POU2F3: variants seen among roughly 807,000 people sequenced by gnomAD.
The protein encoded by POU2F3 is POU class 2 homeobox 3.
POU2F3 carries 23 observed loss-of-function variants against 59.2 expected under a neutral mutation model. The observed-to-expected ratio is 0.39, with a 90% confidence interval of 0.28 to 0.55. The LOEUF is 0.55. POU2F3 is among the 20% of genes least tolerant of loss of function. POU2F3 has a pLI of 0.66. For synonymous variants in POU2F3, 190 were observed against 214.6 expected, an observed-to-expected ratio of 0.89 and a Z score of 1.00; for missense variants, 473 against 544.5, an observed-to-expected ratio of 0.87 and a Z score of 1.31.
At chr11:120,250,164 C>G (rs1349606358) in intron 2 of POU2F3, 3 of 152,250 alleles carry the variant, frequency 2.0e-5, no homozygotes, top group Non-Finnish European at 4.4e-5. Context: ...GCTCTGAGCT[C>G]TCTCTCTCCA....
rs138343985 is a variant in POU2F3, at chr11:120,307,587, G to A, written c.878G>A (p.Arg293His). 33 of 1,614,044 alleles carry A rather than the reference G, an allele frequency of 2.0e-5. No individual in the cohort carries two copies. Among genetic ancestry groups the A allele is most frequent in the Non-Finnish European group, 2.5e-5 (29 of 1,180,038 alleles). The change falls in exon 9 of 13, where the codon CGC becomes CAC. Residue 293 changes from arginine (R) to histidine (H), a missense_variant. Arg to His is a conservative substitution (Grantham distance 29). Transcript: ENST00000543440. ...KKRTSIETNI[R>H]LTLEKRFQDN... ...CGGACCAGCATCGAGACCAACATCC[G>A]CCTGACTCTGGAGAAGAGGTTTCAA...
In POU2F3 at chr11:120,285,084, G is replaced by A. The variant is rs543900112; in HGVS notation, c.133-13181G>A. ...AAATATTTAGTGCACGTAATGAAAC[G>A]AAGGTCAGAGTCGGTGATGTTAGTT... On this transcript the variant is annotated intron_variant, in intron 3 of 12. Transcript: ENST00000543440. The surrounding 1 kb of genome is among the most constrained non-coding windows in gnomAD (Gnocchi z 4.3). Among the ~76,000 whole-genome samples, 15 of 152,268 alleles carry A rather than the reference G, an allele frequency of 9.9e-5. No homozygotes were observed. Among genetic ancestry groups the A allele is most frequent in the Admixed American group, 8.5e-4 (13 of 15,302 alleles).
intron 3 of POU2F3, among the ~76,000 whole-genome samples, chr11:120,279,226 G>A (rs1033125956): frequency 2.6e-5 from 4 of 152,040 alleles, no homozygotes; most frequent in African/African-American, 9.7e-5. Context: ...GAGGCCGTGT[G>A]ATATGGTGGT....
intron 2 of POU2F3, among the ~76,000 whole-genome samples, chr11:120,265,095 G>T (rs1271127097): frequency 6.6e-6 from 1 of 152,214 alleles, no homozygotes; most frequent in African/African-American, 2.4e-5. Context: ...TAGGCTGGGT[G>T]GGGAGAGCTG....
At position 120,307,335 on chromosome 11, in the gene POU2F3, T is replaced by C. The variant is rs1261619004; in HGVS notation, c.770-144T>C. The C allele has an allele frequency of 3.3e-5, 31 of 939,506 alleles. No individual in the cohort carries two copies. In the Admixed American group the frequency reaches 7.1e-4, roughly 21 times the overall value. 58.2% of individuals were successfully genotyped at this position (939,506 alleles called of 1,614,324 possible). ...AAGAAATAGGATTCTTGGTCTGTTC[T>C]GGGCTCCCTGCTGGGGGAGGGGATT... On this transcript the variant is annotated intron_variant, in intron 8 of 12. Coordinates refer to ENST00000543440, the MANE Select transcript of POU2F3 (RefSeq NM_014352.4).
At chr11:120,318,282 C>T in intron 12 of POU2F3, 71 bp from the exon 13 acceptor site, 6 of 1,438,314 alleles carry the variant, frequency 4.2e-6, no homozygotes, top group Non-Finnish European at 4.9e-6. Context: ...TACCTGCTAG[C>T]AGTCACTCCC....
intron 6 of POU2F3, chr11:120,303,139 GCTCACCAAGAGCCCGGC>G (rs1249367532): frequency 2.6e-5 from 4 of 152,232 alleles, no homozygotes; most frequent in Non-Finnish European, 2.9e-5. Flanking sequence ...GATCCCCATG[GCTCACCAAGAGCCCGGC>G]CTTCAGAGAG....
At chr11:120,278,329 C>A (rs973913399) in intron 3 of POU2F3, among the ~76,000 whole-genome samples, 3 of 152,116 alleles carry the variant, frequency 2.0e-5, no homozygotes, top group Non-Finnish European at 2.9e-5. Flanking sequence ...GCAAACCACG[C>A]CTCCTAATTA....
At chr11:120,257,659 G>A (rs1164412137) in intron 2 of POU2F3, among the ~76,000 whole-genome samples, 1 of 152,062 alleles carries the variant, frequency 6.6e-6, no homozygotes, top group African/African-American at 2.4e-5. Flanking sequence ...TCATGGAAAG[G>A]ACATGGCATC....
chr11:120,266,049 G>C (rs1312810532), intron 2 of POU2F3: 1 of 152,068 alleles, frequency 6.6e-6, no homozygotes, highest in African/African-American at 2.4e-5. Flanking sequence ...CCTCCTGACC[G>C]AACACTTCTC....
intron 11 of POU2F3, among the ~76,000 whole-genome samples, chr11:120,315,947 A>C (rs1284048966): frequency 7.1e-6 from 1 of 141,132 alleles, no homozygotes; most frequent in African/African-American, 2.7e-5. Context: ...ATCTCAGCTC[A>C]CCACACCCTC....
intron 3 of POU2F3, among the ~76,000 whole-genome samples, chr11:120,269,498 G>T (rs895538609): frequency 2.5e-4 from 38 of 152,192 alleles, no homozygotes; most frequent in Non-Finnish European, 1.2e-4. Context: ...TATGCCAGAT[G>T]TGGTCCAGAA....
At chr11:120,243,181 C>T (rs966736872) in intron 1 of POU2F3, among the ~76,000 whole-genome samples, 1 of 152,108 alleles carries the variant, frequency 6.6e-6, no homozygotes, top group South Asian at 2.1e-4. Flanking sequence ...GAAGTGGGGC[C>T]GGTGGGTCCT....
intron 2 of POU2F3, among the ~76,000 whole-genome samples, chr11:120,252,396 C>T (rs1320156480): frequency 6.6e-5 from 10 of 151,698 alleles, no homozygotes; most frequent in African/African-American, 2.4e-4. Context: ...TTAGTAGGGA[C>T]GGGGTTTCAC....
At chr11:120,267,600 C>T (rs1205340926) in intron 2 of POU2F3, among the ~76,000 whole-genome samples, 1 of 70,034 alleles carries the variant, frequency 1.4e-5, no homozygotes. Flanking sequence ...AAGGGCTGTA[C>T]TTGCCCATGG....
At chr11:120,288,524 C>T (rs1300979140) in intron 3 of POU2F3, among the ~76,000 whole-genome samples, 1 of 152,142 alleles carries the variant, frequency 6.6e-6, no homozygotes, top group African/African-American at 2.4e-5. Flanking sequence ...TCCTGCTAGC[C>T]AACATGTGCC....
intron 2 of POU2F3, among the ~76,000 whole-genome samples, chr11:120,255,362 G>A (rs555340398): frequency 6.6e-6 from 1 of 152,080 alleles, no homozygotes; most frequent in South Asian, 2.1e-4. Context: ...AATCGAAGCC[G>A]GGGAGCCCAG....
At chr11:120,315,927 C>G (rs1269264996) in intron 11 of POU2F3, among the ~76,000 whole-genome samples, 2 of 139,136 alleles carry the variant, frequency 1.4e-5, no homozygotes, top group East Asian at 4.3e-4. Context: ...GGCTGCAGTG[C>G]AATGGCACGA....
intron 2 of POU2F3, 119 bp downstream of exon 2, chr11:120,246,636 G>A (rs1938889100): frequency 9.6e-7 from 1 of 1,036,898 alleles, no homozygotes; most frequent in Non-Finnish European, 1.4e-6. Context: ...CCAAAGCTAG[G>A]TCTTAGGAAC....
Sources: gnomAD v4.1 joint callset for allele counts (sites outside exome capture counted in the v4.1 genomes callset) on GRCh38, gnomAD v4.1.1 for gene constraint, Gnocchi (gnomAD v3.1) non-coding constraint, MANE v1.5 for transcripts, NCBI Gene and HGNC (gene_info 2026-07-23, HGNC 2026-07-21) for gene names.